Variants in NPLOC4 observed in about 807,000 individuals in gnomAD.
NPLOC4 encodes the protein nuclear protein localization protein 4 homolog.
NPLOC4 carries 18 observed loss-of-function variants against 80.6 expected under a neutral mutation model. That is an observed-to-expected ratio of 0.22 (90% CI 0.15 to 0.33). NPLOC4 has a LOEUF of 0.33. Ranked by LOEUF, NPLOC4 falls within the 10% of genes least tolerant of loss-of-function variation. The probability of loss-of-function intolerance (pLI) is 1.00; values close to 1 mark genes in which losing one functional copy is unlikely to be tolerated. For missense variants in NPLOC4, 540 were observed against 786.1 expected (o/e 0.69, Z 3.74); for synonymous variants, 313 against 301.5 (o/e 1.04, Z -0.39).
chr17:81,618,629 G>C (rs1190281743), intron 3 of NPLOC4, among the ~76,000 whole-genome samples: 1 of 150,396 alleles, frequency 6.6e-6, no homozygotes, highest in African/African-American at 2.4e-5. Context: ...GGGAGGTGAG[G>C]GGCGCCTCTG....
At chr17:81,626,237 A>G (rs963119108) in intron 2 of NPLOC4, among the ~76,000 whole-genome samples, 3 of 151,136 alleles carry the variant, frequency 2.0e-5, no homozygotes, top group Non-Finnish European at 4.4e-5. Flanking sequence ...AACCGCTTGA[A>G]CCCCGGAGGC....
intron 6 of NPLOC4, 74 bp downstream of exon 6, chr17:81,608,654 A>T: frequency 9.4e-7 from 1 of 1,063,374 alleles, no homozygotes; most frequent in Non-Finnish European, 1.4e-6. Flanking sequence ...TCACACGTTC[A>T]CTGGCTATAA....
At chr17:81,586,015 T>C (rs2144124882) in intron 12 of NPLOC4, among the ~76,000 whole-genome samples, 1 of 152,010 alleles carries the variant, frequency 6.6e-6, no homozygotes, top group Non-Finnish European at 1.5e-5. Context: ...TCAGGCACAG[T>C]GTCTCATGCA....
At chr17:81,603,010 C>T (rs1379268512) in intron 8 of NPLOC4, among the ~76,000 whole-genome samples, 5 of 119,792 alleles carry the variant, frequency 4.2e-5, no homozygotes, top group African/African-American at 1.6e-4. Flanking sequence ...CACACACACA[C>T]ACACATATAA....
intron 1 of NPLOC4, among the ~76,000 whole-genome samples, chr17:81,634,786 T>C (rs1431141743): frequency 6.6e-6 from 1 of 151,808 alleles, no homozygotes; most frequent in East Asian, 2.0e-4. Flanking sequence ...GGTTTCACCA[T>C]GTTGGTCAGG....
At chr17:81,612,415 G>A (rs563296516) in intron 4 of NPLOC4, among the ~76,000 whole-genome samples, 12 of 152,310 alleles carry the variant, frequency 7.9e-5, no homozygotes, top group African/African-American at 2.9e-4. Context: ...ATGCAAGCAA[G>A]CCAGTGCCAG....
rs183291385 is a variant in NPLOC4, at chr17:81,599,399, G to A, written c.921+942C>T. Among the ~76,000 whole-genome samples, 4 of 152,230 alleles carry A rather than the reference G, an allele frequency of 2.6e-5. No individual in the cohort carries two copies. The East Asian group carries it at 7.7e-4, about 29-fold the overall frequency. On this transcript the variant is annotated intron_variant, in intron 9 of 16. Coordinates refer to ENST00000331134, the MANE Select transcript of NPLOC4 (RefSeq NM_017921.4). ...TATAACAAATTAGGTCAAAAAATTG[G>A]ACCAATCTCTTTTAAACAAGAGAAC...
chr17:81,631,291 T>C (rs967129640), intron 1 of NPLOC4, among the ~76,000 whole-genome samples: 3 of 151,690 alleles, frequency 2.0e-5, no homozygotes, highest in Non-Finnish European at 4.4e-5. Context: ...ACACCTATAA[T>C]CTGTGCACTT....
chr17:81,568,602 G>A (rs1486050520), intron 14 of NPLOC4, among the ~76,000 whole-genome samples: 1 of 152,234 alleles, frequency 6.6e-6, no homozygotes, highest in African/African-American at 2.4e-5. Flanking sequence ...CGGGAGCCAC[G>A]CTAAGCAGCA....
rs940116030 is a variant in NPLOC4 at position 81,572,260 on chromosome 17, C to T, written c.1282-172G>A. ...CTGGAATGCAGTGGCGTGATCTCCA[C>T]TCACTGCAAGCTCCGCCTCCCAGGT... On this transcript the variant is annotated intron_variant, in intron 12 of 16. Coordinates refer to ENST00000331134, the MANE Select transcript of NPLOC4 (RefSeq NM_017921.4). This position sits in a 1 kb window ranked among gnomAD's most constrained non-coding sequence, Gnocchi z 4.5. Among the ~76,000 whole-genome samples, 6 of 152,012 alleles carry T rather than the reference C, an allele frequency of 3.9e-5. No individual in the cohort carries two copies. Among genetic ancestry groups the T allele is most frequent in the African/African-American group, 1.5e-4 (6 of 41,344 alleles).
intron 12 of NPLOC4, among the ~76,000 whole-genome samples, chr17:81,584,630 G>A (rs2034527912): frequency 6.6e-6 from 1 of 152,166 alleles, no homozygotes; most frequent in Admixed American, 6.5e-5. Context: ...ATGATGGAAA[G>A]GATAATACGT....
chr17:81,605,283 A>G (rs900635780), intron 7 of NPLOC4, among the ~76,000 whole-genome samples: 3 of 117,486 alleles, frequency 2.6e-5, no homozygotes, highest in African/African-American at 8.4e-5. Context: ...TCCATCTCAA[A>G]AAAAAAAAAT....
intron 1 of NPLOC4, among the ~76,000 whole-genome samples, chr17:81,636,715 T>C (rs7502346): frequency 0.62 from 93,552 of 151,768 alleles, 30,861 homozygotes; most frequent in East Asian, 0.99. Flanking sequence ...GTAAGTCCCC[T>C]GGGGAGGGAC....
At chr17:81,629,694 T>C (rs988925379) in intron 2 of NPLOC4, 31 bp downstream of exon 2, 20 of 1,504,786 alleles carry the variant, frequency 1.3e-5, no homozygotes, top group Non-Finnish European at 1.7e-5. Flanking sequence ...ATGAAAAATA[T>C]CCTGAGGGTC....
rs527809533 is a variant in NPLOC4 at position 81,580,014 on chromosome 17, C to T, written c.1282-7926G>A. Among the ~76,000 whole-genome samples, 3 of 152,152 alleles carry T rather than the reference C, an allele frequency of 2.0e-5. No homozygotes were observed. The highest frequency in any genetic ancestry group is 4.4e-5 in the Non-Finnish European group (3 of 68,014). ...GAAGGCAAAGCCTCCTCTCCTGACT[C>T]ACCAGGGAGCTCCTTTCTTGCCTGC... On this transcript the variant is annotated intron_variant, in intron 12 of 16. Transcript: ENST00000331134. This position sits in a 1 kb window ranked among gnomAD's most constrained non-coding sequence, Gnocchi z 4.4.
At position 81,618,243 on chromosome 17, in the gene NPLOC4, G is replaced by A. The variant is rs1480249521; in HGVS notation, c.209+3923C>T. Among the ~76,000 whole-genome samples the A allele has an allele frequency of 2.0e-5, 3 of 151,668 alleles. No individual in the cohort carries two copies. The East Asian group carries it at 5.9e-4, about 30-fold the overall frequency. On this transcript the variant is annotated intron_variant, in intron 3 of 16. Coordinates refer to ENST00000331134, the MANE Select transcript of NPLOC4 (RefSeq NM_017921.4). Reference sequence around the variant, plus strand: ...CTCTTTCCGGCCGCCATCCCATCTAGGAAGTGAGGAGCGTCTCTGCCCGGC... The same window carrying A: ...CTCTTTCCGGCCGCCATCCCATCTAAGAAGTGAGGAGCGTCTCTGCCCGGC...
chr17:81,559,067 AGCC>A lies in NPLOC4; in HGVS notation c.*189_*191del. ...GACTGCATTCAGCCTGCAGAATACCAGCCGTGGCGCCCGCTCTCCAGGGAGGAA... is the reference window on the plus strand; with the variant it reads ...GACTGCATTCAGCCTGCAGAATACCAGTGGCGCCCGCTCTCCAGGGAGGAA... On this transcript the variant is annotated 3_prime_UTR_variant, in exon 17 of 17. Coordinates refer to ENST00000331134, the MANE Select transcript of NPLOC4 (RefSeq NM_017921.4). 1 of 608,758 alleles carries A rather than the reference AGCC, an allele frequency of 1.6e-6. No individual in the cohort carries two copies. Among genetic ancestry groups the A allele is most frequent in the South Asian group, 2.1e-5 (1 of 46,886 alleles). 37.7% of individuals were successfully genotyped at this position (608,758 alleles called of 1,614,324 possible).
At chr17:81,574,549 G>A (rs1252519655) in intron 12 of NPLOC4, among the ~76,000 whole-genome samples, 1 of 152,152 alleles carries the variant, frequency 6.6e-6, no homozygotes, top group African/African-American at 2.4e-5. Flanking sequence ...TCTAAGTTTG[G>A]CAGCCGTCAA....
In NPLOC4 at chr17:81,558,666, T is replaced by TGGAC. The variant is rs2033731520; in HGVS notation, c.*589_*592dup. The TGGAC allele has an allele frequency of 1.3e-5, 2 of 152,288 alleles. No individual in the cohort carries two copies. Among genetic ancestry groups the TGGAC allele is most frequent in the African/African-American group, 4.8e-5 (2 of 41,446 alleles). 9.4% of individuals were successfully genotyped at this position (152,288 alleles called of 1,614,324 possible). Reference sequence around the variant, plus strand: ...CCAATGCAGACTTTAAAATCCCACCTGGACATCGGGTGAGAGGAGGAGGGC... The same window carrying TGGAC: ...CCAATGCAGACTTTAAAATCCCACCTGGACGGACATCGGGTGAGAGGAGGAGGGC... On this transcript the variant is annotated 3_prime_UTR_variant, in exon 17 of 17. Transcript: ENST00000331134.
Sources: gnomAD v4.1 joint callset for allele counts (sites outside exome capture counted in the v4.1 genomes callset) on GRCh38, gnomAD v4.1.1 for gene constraint, Gnocchi (gnomAD v3.1) non-coding constraint, MANE v1.5 for transcripts, NCBI Gene and HGNC (gene_info 2026-07-23, HGNC 2026-07-21) for gene names.